The following SMIM3 variants were observed in gnomAD, a reference collection of about 807,000 sequenced individuals.
SMIM3 encodes NGF-induced differentiation clone 67 protein.
SMIM3 carries 4 observed loss-of-function variants against 2.1 expected under a neutral mutation model. The observed-to-expected ratio is 1.89, with a 90% CI of 0.93 to 4.31. The LOEUF is 4.31. SMIM3 is among the 30% of genes most tolerant of loss of function. The pLI is 0.01. For missense variants in SMIM3, 79 were observed against 77.7 expected (o/e 1.02, Z -0.06); for synonymous variants, 29 against 30.8 (o/e 0.94, Z 0.19).
At chr5:150,783,828 C>A (rs1317807333) in intron 1 of SMIM3, among the ~76,000 whole-genome samples, 1 of 150,506 alleles carries the variant, frequency 6.6e-6, no homozygotes, top group Non-Finnish European at 1.5e-5. Flanking sequence ...CTTAAAAAAA[C>A]TTTTCACTGT....
At chr5:150,793,914 C>A (rs1184583214) in intron 1 of SMIM3, among the ~76,000 whole-genome samples, 3 of 152,138 alleles carry the variant, frequency 2.0e-5, no homozygotes, top group Non-Finnish European at 4.4e-5. Context: ...TCTTCACAAT[C>A]TATACATCTG....
At chr5:150,786,052 G>A (rs899688519) in intron 1 of SMIM3, among the ~76,000 whole-genome samples, 4 of 152,012 alleles carry the variant, frequency 2.6e-5, no homozygotes, top group Admixed American at 6.6e-5. Flanking sequence ...TGATACTCCA[G>A]TATATTTATG....
chr5:150,782,674 G>C (rs1363912944), intron 1 of SMIM3, among the ~76,000 whole-genome samples: 1 of 152,190 alleles, frequency 6.6e-6, no homozygotes, highest in Non-Finnish European at 1.5e-5. Context: ...GATAAAATCA[G>C]AGGACATCAT....
At chr5:150,783,046 G>A (rs1002544578) in intron 1 of SMIM3, among the ~76,000 whole-genome samples, 1 of 152,182 alleles carries the variant, frequency 6.6e-6, no homozygotes, top group African/African-American at 2.4e-5. Flanking sequence ...AATAAAACAA[G>A]ATAAGAGTGA....
chr5:150,794,684 G>T (rs1753384115), intron 1 of SMIM3, among the ~76,000 whole-genome samples: 1 of 152,112 alleles, frequency 6.6e-6, no homozygotes, highest in South Asian at 2.1e-4. Context: ...TGGGAGAGGG[G>T]CAGACTACAA....
chr5:150,795,544 C>A lies in SMIM3; in HGVS notation c.104C>A (p.Thr35Asn). Residue 35 changes from threonine (T) to asparagine (N), a missense_variant, in exon 2 of 2, where the codon ACC (threonine) becomes AAC (asparagine). Thr to Asn is a moderately conservative substitution (Grantham distance 65). Transcript: ENST00000526627. ...LIILATIVIM[T>N]SLLLCPATAV... Reference sequence around the variant, plus strand: ...ATCCTGGCCACCATTGTCATCATGACCTCGTTGTTGCTGTGCCCAGCCACT... The same window carrying A: ...ATCCTGGCCACCATTGTCATCATGAACTCGTTGTTGCTGTGCCCAGCCACT... The A allele has an allele frequency of 1.2e-6, 2 of 1,610,234 alleles. No individual in the cohort carries two copies. Among genetic ancestry groups the A allele is most frequent in the East Asian group, 2.2e-5 (1 of 44,868 alleles).
chr5:150,782,589 T>A (rs1464873666), intron 1 of SMIM3, among the ~76,000 whole-genome samples: 1 of 152,194 alleles, frequency 6.6e-6, no homozygotes, highest in Admixed American at 6.5e-5. Context: ...CTCTTCTGCC[T>A]GGTATGTACA....
At chr5:150,793,944 A>C (rs2113207943) in intron 1 of SMIM3, among the ~76,000 whole-genome samples, 1 of 152,338 alleles carries the variant, frequency 6.6e-6, no homozygotes, top group South Asian at 2.1e-4. Context: ...TAATATCCAG[A>C]ATCTACAACG....
chr5:150,788,630 T>C (rs1753316832), intron 1 of SMIM3, among the ~76,000 whole-genome samples: 1 of 129,610 alleles, frequency 7.7e-6, no homozygotes, highest in Non-Finnish European at 1.5e-5. Flanking sequence ...CGAGACTGTG[T>C]CTCAAAAAAA....
chr5:150,792,193 G>A (rs1472561041), intron 1 of SMIM3, among the ~76,000 whole-genome samples: 1 of 152,198 alleles, frequency 6.6e-6, no homozygotes, highest in African/African-American at 2.4e-5. Context: ...GATAAGAATA[G>A]GAAATAGGAT....
At chr5:150,779,976 G>A (rs1281364159) in intron 1 of SMIM3, among the ~76,000 whole-genome samples, 1 of 152,078 alleles carries the variant, frequency 6.6e-6, no homozygotes, top group African/African-American at 2.4e-5. Flanking sequence ...AGGAGTCTCC[G>A]GTTCATCTGT....
At chr5:150,789,277 C>G (rs965591602) in intron 1 of SMIM3, among the ~76,000 whole-genome samples, 1 of 152,130 alleles carries the variant, frequency 6.6e-6, no homozygotes, top group African/African-American at 2.4e-5. Context: ...AGCTTAGAGT[C>G]CTGCTTTTTC....
At chr5:150,783,350 G>T (rs1753256022) in intron 1 of SMIM3, among the ~76,000 whole-genome samples, 1 of 152,216 alleles carries the variant, frequency 6.6e-6, no homozygotes, top group African/African-American at 2.4e-5. Flanking sequence ...TTTGGAAGGG[G>T]TCCTATAAGG....
At chr5:150,789,105 A>G (rs1424570480) in intron 1 of SMIM3, among the ~76,000 whole-genome samples, 4 of 152,200 alleles carry the variant, frequency 2.6e-5, no homozygotes, top group Non-Finnish European at 2.9e-5. Flanking sequence ...TGTGACATAA[A>G]TGGTTTGGGC....
At chr5:150,781,647 G>C (rs1046289255) in intron 1 of SMIM3, among the ~76,000 whole-genome samples, 8 of 152,186 alleles carry the variant, frequency 5.3e-5, no homozygotes, top group African/African-American at 1.7e-4. Flanking sequence ...TGGTGGTGGT[G>C]GTGGGCATTA....
At chr5:150,789,415 G>GGGAA (rs1192907150) in intron 1 of SMIM3, among the ~76,000 whole-genome samples, 2 of 152,166 alleles carry the variant, frequency 1.3e-5, no homozygotes, top group African/African-American at 4.8e-5. Context: ...ATGTTACATG[G>GGGAA]GGAAGAACAG....
intron 1 of SMIM3, among the ~76,000 whole-genome samples, chr5:150,781,167 G>A (rs115969196): frequency 7.2e-5 from 11 of 152,164 alleles, no homozygotes; most frequent in African/African-American, 2.4e-4. Context: ...TAATTTGAAC[G>A]CAGGCACCCT....
chr5:150,782,293 G>C (rs1753244007), intron 1 of SMIM3, among the ~76,000 whole-genome samples: 1 of 152,198 alleles, frequency 6.6e-6, no homozygotes, highest in Non-Finnish European at 1.5e-5. Context: ...GTTACACAGT[G>C]GGAGGAGAAA....
intron 1 of SMIM3, among the ~76,000 whole-genome samples, chr5:150,793,798 C>A (rs551703798): frequency 7.9e-5 from 12 of 152,182 alleles, no homozygotes; most frequent in African/African-American, 2.9e-4. Flanking sequence ...TAAGCAAATG[C>A]AATAAAACAA....
Sources: gnomAD v4.1 joint callset for allele counts (sites outside exome capture counted in the v4.1 genomes callset) on GRCh38, gnomAD v4.1.1 for gene constraint, MANE v1.5 for transcripts, NCBI Gene and HGNC (gene_info 2026-07-23, HGNC 2026-07-21) for gene names.